Variants in WWTR1 observed in about 807,000 individuals in gnomAD.
WWTR1 encodes WW domain-containing transcription regulator protein 1.
WWTR1 carries 13 observed loss-of-function variants against 40.1 expected under a neutral mutation model. The observed-to-expected ratio is 0.32, with a 90% CI of 0.21 to 0.52. The LOEUF (loss-of-function observed/expected upper bound fraction) is 0.52. Among genes scored for constraint, WWTR1 ranks in the 20% least tolerant of loss-of-function variants. The probability of loss-of-function intolerance (pLI) is 0.97; values close to 1 mark genes in which losing one functional copy is unlikely to be tolerated. For synonymous variants in WWTR1, 230 were observed against 210.1 expected (o/e 1.09, Z -0.82); for missense variants, 436 against 523.1 (o/e 0.83, Z 1.63).
intron 2 of WWTR1, among the ~76,000 whole-genome samples, chr3:149,623,839 C>G (rs1374035355): frequency 1.3e-5 from 2 of 152,180 alleles, no homozygotes; most frequent in South Asian, 4.1e-4. Context: ...TCTGAAGGGC[C>G]ATGCTTCATG....
intron 3 of WWTR1, among the ~76,000 whole-genome samples, chr3:149,548,544 A>G (rs1736473512): frequency 6.6e-6 from 1 of 152,338 alleles, no homozygotes; most frequent in Admixed American, 6.5e-5. Flanking sequence ...GGTAGGCTCA[A>G]CTACGAAAAC....
chr3:149,562,281 C>T (rs999776378), intron 3 of WWTR1, among the ~76,000 whole-genome samples: 7 of 143,966 alleles, frequency 4.9e-5, no homozygotes, highest in Middle Eastern at 3.7e-3. Flanking sequence ...GGCGACAGAA[C>T]GAGATTCTGT....
At chr3:149,661,733 GTTTT>G (rs369645645), upstream of WWTR1, among the ~76,000 whole-genome samples, 1 of 133,862 alleles carries the variant, frequency 7.5e-6, no homozygotes, top group African/African-American at 2.8e-5. Context: ...CACAAATAAA[GTTTT>G]TTTTTTTTTT....
At chr3:149,680,157 A>G (rs76756116) in intron 1 of WWTR1, among the ~76,000 whole-genome samples, 5,922 of 152,288 alleles carry the variant, frequency 0.039, 228 homozygotes, top group African/African-American at 0.097. Flanking sequence ...ATATTGTGAC[A>G]GGTATAAATG....
At chr3:149,527,759 G>C in intron 5 of WWTR1, 77 bp downstream of exon 5, 2 of 1,596,848 alleles carry the variant, frequency 1.3e-6, no homozygotes, top group African/African-American at 2.7e-5. Flanking sequence ...TCTTCCCAAT[G>C]TAAACAAAGA....
At chr3:149,588,269 G>A (rs1738523746) in intron 2 of WWTR1, among the ~76,000 whole-genome samples, 1 of 152,166 alleles carries the variant, frequency 6.6e-6, no homozygotes, top group Non-Finnish European at 1.5e-5. Flanking sequence ...GAATTATGAG[G>A]AATGGAAGCC....
At chr3:149,681,448 T>A (rs6794003) in intron 1 of WWTR1, among the ~76,000 whole-genome samples, 45,566 of 152,072 alleles carry the variant, frequency 0.3, 7,137 homozygotes, top group Admixed American at 0.39. Flanking sequence ...GAACATTTTT[T>A]AATATACCTA....
chr3:149,605,364 G>T (rs926514966), intron 2 of WWTR1, among the ~76,000 whole-genome samples: 2 of 151,882 alleles, frequency 1.3e-5, no homozygotes, highest in African/African-American at 2.4e-5. Flanking sequence ...TTCTAGTGTA[G>T]TGACCTACAC....
At chr3:149,709,571 G>T (rs1049944276) in intron 5 of WWTR1, among the ~76,000 whole-genome samples, 2 of 152,028 alleles carry the variant, frequency 1.3e-5, no homozygotes, top group East Asian at 1.9e-4. Flanking sequence ...TTTTTTGTTT[G>T]TTGTTTTTTT....
intron 2 of WWTR1, among the ~76,000 whole-genome samples, chr3:149,586,457 A>G (rs1738430979): frequency 6.6e-6 from 1 of 152,222 alleles, no homozygotes. Context: ...TCGGGAAACC[A>G]TGTGTGATAT....
intron 1 of WWTR1, among the ~76,000 whole-genome samples, chr3:149,680,577 C>CAA (rs60718602): frequency 0.28 from 41,462 of 149,590 alleles, 5,932 homozygotes; most frequent in Admixed American, 0.35. Flanking sequence ...AACAAACAAA[C>CAA]AAAAAAACGT....
chr3:149,643,758 C>T (rs904054511), intron 2 of WWTR1, among the ~76,000 whole-genome samples: 1 of 152,136 alleles, frequency 6.6e-6, no homozygotes, highest in Non-Finnish European at 1.5e-5. Context: ...AAAGTGTCCT[C>T]GTGGAAAAGT....
intron 2 of WWTR1, among the ~76,000 whole-genome samples, chr3:149,617,286 T>C (rs971130750): frequency 3.9e-5 from 6 of 152,110 alleles, no homozygotes; most frequent in African/African-American, 1.2e-4. Flanking sequence ...GGCAATTGGA[T>C]TGGAGCAGTG....
intron 1 of WWTR1, among the ~76,000 whole-genome samples, chr3:149,674,277 CTCTCACACACACACACG>C (rs1201342320): frequency 6.6e-6 from 1 of 151,162 alleles, no homozygotes; most frequent in Non-Finnish European, 1.5e-5. Flanking sequence ...ATCTCTTTCT[CTCTCACACACACACACG>C]TAAAAATTGT....
intron 2 of WWTR1, among the ~76,000 whole-genome samples, chr3:149,617,805 T>C (rs934782795): frequency 6.6e-6 from 1 of 152,000 alleles, no homozygotes; most frequent in South Asian, 2.1e-4. Context: ...TGTCTCAAAA[T>C]AAAGTAAAAT....
At chr3:149,707,756 C>A (rs1232339562), upstream of WWTR1, among the ~76,000 whole-genome samples, 1 of 151,930 alleles carries the variant, frequency 6.6e-6, no homozygotes, top group African/African-American at 2.4e-5. Context: ...AAACTGACTG[C>A]CAATTGAATA....
intron 2 of WWTR1, among the ~76,000 whole-genome samples, chr3:149,664,829 T>A (rs898894102): frequency 6.6e-6 from 1 of 152,142 alleles, no homozygotes; most frequent in African/African-American, 2.4e-5. Context: ...TCAGGTGTGA[T>A]CCACCCACCT....
intron 5 of WWTR1, among the ~76,000 whole-genome samples, chr3:149,713,349 TTTTTA>T (rs1039974077): frequency 1.3e-5 from 2 of 152,002 alleles, no homozygotes; most frequent in Non-Finnish European, 2.9e-5. Context: ...ACATCTTGAA[TTTTTA>T]TTTTATTTTA....
intron 3 of WWTR1, among the ~76,000 whole-genome samples, chr3:149,566,111 T>C (rs1384728675): frequency 6.6e-6 from 1 of 152,024 alleles, no homozygotes; most frequent in Non-Finnish European, 1.5e-5. Context: ...GGAGGATCAC[T>C]TGAGACTAAG....
Sources: allele counts gnomAD v4.1 joint callset (sites outside exome capture counted in the v4.1 genomes callset), GRCh38; gene constraint gnomAD v4.1.1; transcripts MANE v1.5; gene names NCBI Gene and HGNC (gene_info 2026-07-23, HGNC 2026-07-21).